PDZRN4: variants seen among roughly 807,000 people sequenced by gnomAD.
PDZRN4 encodes the protein PDZ domain containing ring finger 4, also known as PDZ domain-containing RING finger protein 4.
A neutral mutation model predicts 99.0 loss-of-function variants in PDZRN4; 70 were observed. The observed-to-expected ratio is 0.71, with a 90% confidence interval of 0.58 to 0.86. The LOEUF (loss-of-function observed/expected upper bound fraction) is 0.86. PDZRN4 is among the 40% of genes least tolerant of loss of function. The pLI, the probability that PDZRN4 is intolerant of heterozygous loss-of-function variation, is 0.00. For missense variants in PDZRN4, 1,474 were observed against 1,331.2 expected, an observed-to-expected ratio of 1.11 and a Z score of -1.67; for synonymous variants, 551 against 501.6, an observed-to-expected ratio of 1.10 and a Z score of -1.32.
intron 5 of PDZRN4, among the ~76,000 whole-genome samples, chr12:41,535,445 A>C (rs776331405): frequency 1.3e-5 from 2 of 152,216 alleles, no homozygotes; most frequent in Non-Finnish European, 2.9e-5. Context: ...TTTGAACTGC[A>C]AACTTCTGTG....
At chr12:41,533,514 A>G (rs1938698591) in intron 5 of PDZRN4, among the ~76,000 whole-genome samples, 1 of 152,268 alleles carries the variant, frequency 6.6e-6, no homozygotes, top group South Asian at 2.1e-4. Flanking sequence ...CTCATTATTT[A>G]TTGTGATGCT....
At position 41,188,899 on chromosome 12, in the gene PDZRN4, G is replaced by A. The variant is rs1261993499; in HGVS notation, c.444G>A (p.Gly148=). The A allele has an allele frequency of 2.9e-5, 32 of 1,094,842 alleles. No individual in the cohort carries two copies. Among genetic ancestry groups the A allele is most frequent in the South Asian group, 4.3e-5 (1 of 23,192 alleles). 67.8% of individuals were successfully genotyped at this position (1,094,842 alleles called of 1,614,324 possible). A position where few individuals can be genotyped will look rare whatever the true frequency, so the allele number is the denominator to read the frequency against. The part of the protein sequence containing the change: ...RAGRGGGARG[G]PPGGRWGRGR... ...GCCGGGGCGGGGGCGCGCGCGGGGG[G>A]CCGCCGGGCGGCCGCTGGGGCCGCG... Residue 148 remains glycine (G), a synonymous_variant, in exon 1 of 10, where the codon GGG becomes GGA. Coordinates refer to ENST00000402685, the MANE Select transcript of PDZRN4 (RefSeq NM_001164595.2).
At chr12:41,313,059 T>C (rs762436250) in intron 3 of PDZRN4, among the ~76,000 whole-genome samples, 10 of 152,158 alleles carry the variant, frequency 6.6e-5, no homozygotes, top group African/African-American at 1.2e-4. Flanking sequence ...CCCTGTATTA[T>C]CCATCTGTGT....
At chr12:41,390,130 A>G (rs370791648) in intron 3 of PDZRN4, among the ~76,000 whole-genome samples, 4 of 152,280 alleles carry the variant, frequency 2.6e-5, no homozygotes, top group African/African-American at 9.6e-5. Context: ...GATAATTTCA[A>G]TAACATTAAT....
intron 7 of PDZRN4, among the ~76,000 whole-genome samples, chr12:41,563,271 G>A (rs1270644033): frequency 6.6e-6 from 1 of 152,146 alleles, no homozygotes; most frequent in Non-Finnish European, 1.5e-5. Context: ...TCAGGAGCTG[G>A]TTAATTGTGT....
intron 1 of PDZRN4, among the ~76,000 whole-genome samples, chr12:41,190,245 G>T (rs1332599807): frequency 6.6e-6 from 1 of 152,192 alleles, no homozygotes; most frequent in Admixed American, 6.5e-5. Flanking sequence ...TGAAGTGAGA[G>T]GGACTAAAAT....
intron 3 of PDZRN4, among the ~76,000 whole-genome samples, chr12:41,422,945 C>T (rs1191187031): frequency 6.6e-6 from 1 of 152,084 alleles, no homozygotes; most frequent in Non-Finnish European, 1.5e-5. Context: ...AACTTCTATC[C>T]TCCAGTATCT....
chr12:41,257,042 G>C (rs1222537633), intron 3 of PDZRN4, among the ~76,000 whole-genome samples: 1 of 152,022 alleles, frequency 6.6e-6, no homozygotes, highest in Non-Finnish European at 1.5e-5. Context: ...TTATCACCTG[G>C]ACTGTGCCTC....
In PDZRN4 at chr12:41,188,571, C is replaced by T; in HGVS notation, c.116C>T (p.Ala39Val). 1.3e-6 allele frequency: 2 copies of T among 1,547,920 alleles called. No individual in the cohort carries two copies. The highest frequency in any genetic ancestry group is 1.7e-6 in the Non-Finnish European group (2 of 1,153,874). Residue 39 changes from alanine (A) to valine (V), a missense_variant, in exon 1 of 10, where the codon GCC becomes GTC. Physicochemically the swap from Ala to Val is moderately conservative, Grantham distance 64. Coordinates refer to ENST00000402685, the MANE Select transcript of PDZRN4 (RefSeq NM_001164595.2). ...LCTPCGHVFC[A>V]SCLLPWAVRR... is the part of the protein sequence containing the mutation. The stretch of plus-strand genomic sequence containing the variant: ...ACGCCGTGCGGGCACGTCTTCTGCG[C>T]CAGCTGCCTGTTGCCCTGGGCGGTG...
intron 3 of PDZRN4, chr12:41,473,644 G>C (rs1423849138): frequency 6.6e-6 from 1 of 152,150 alleles, no homozygotes; most frequent in Non-Finnish European, 1.5e-5. Flanking sequence ...ATTATCTCTT[G>C]TTATGTATTT....
chr12:41,431,236 A>G (rs773813531), intron 3 of PDZRN4, among the ~76,000 whole-genome samples: 1 of 152,220 alleles, frequency 6.6e-6, no homozygotes, highest in Non-Finnish European at 1.5e-5. Context: ...AGTATTGGGC[A>G]CATACGTACT....
chr12:41,422,949 A>C (rs756337198), intron 3 of PDZRN4, among the ~76,000 whole-genome samples: 5 of 152,074 alleles, frequency 3.3e-5, no homozygotes, highest in African/African-American at 1.2e-4. Context: ...TCTATCCTCC[A>C]GTATCTTCCT....
intron 3 of PDZRN4, among the ~76,000 whole-genome samples, chr12:41,306,596 C>T (rs550876195): frequency 1.2e-4 from 18 of 152,270 alleles, no homozygotes; most frequent in African/African-American, 4.1e-4. Context: ...CTGTTCTTTT[C>T]TGAACATGCT....
intron 5 of PDZRN4, among the ~76,000 whole-genome samples, chr12:41,539,825 T>A (rs1177928119): frequency 6.6e-6 from 1 of 152,166 alleles, no homozygotes; most frequent in African/African-American, 2.4e-5. Context: ...GACACGGGCA[T>A]CTCCCAGTCT....
chr12:41,195,150 C>A (rs2120645927), intron 3 of PDZRN4, among the ~76,000 whole-genome samples: 1 of 152,210 alleles, frequency 6.6e-6, no homozygotes, highest in Middle Eastern at 3.4e-3. Context: ...TATGTCCCTG[C>A]CATCTGCCAT....
intron 3 of PDZRN4, among the ~76,000 whole-genome samples, chr12:41,311,894 C>A (rs1052854315): frequency 4.6e-5 from 7 of 152,074 alleles, no homozygotes; most frequent in Non-Finnish European, 7.4e-5. Context: ...ATTGCAATTT[C>A]TTTTAAACTT....
chr12:41,474,894 A>G (rs1472548494), intron 3 of PDZRN4, among the ~76,000 whole-genome samples: 1 of 152,226 alleles, frequency 6.6e-6, no homozygotes, highest in Non-Finnish European at 1.5e-5. Flanking sequence ...GACTAGCTAG[A>G]ATTAAAATAA....
intron 3 of PDZRN4, among the ~76,000 whole-genome samples, chr12:41,398,768 G>C (rs1404745918): frequency 6.6e-6 from 1 of 152,096 alleles, no homozygotes; most frequent in Non-Finnish European, 1.5e-5. Flanking sequence ...CATACCTGCT[G>C]TATGTAAATT....
chr12:41,449,430 G>A (rs1952756385), intron 3 of PDZRN4, among the ~76,000 whole-genome samples: 1 of 152,112 alleles, frequency 6.6e-6, no homozygotes, highest in Non-Finnish European at 1.5e-5. Context: ...TCAAGTAAAG[G>A]TGCATGACTA....
Sources: allele counts gnomAD v4.1 joint callset (sites outside exome capture counted in the v4.1 genomes callset), GRCh38; gene constraint gnomAD v4.1.1; transcripts MANE v1.5; gene names NCBI Gene and HGNC (gene_info 2026-07-23, HGNC 2026-07-21).